The following PDS5B variants were observed in gnomAD, a reference collection of about 807,000 sequenced individuals.
PDS5B encodes PDS5 cohesin associated factor B.
A neutral mutation model predicts 184.1 loss-of-function variants in PDS5B; 51 were observed. That is an observed-to-expected ratio of 0.28 (90% CI 0.22 to 0.35). PDS5B has a LOEUF of 0.35. PDS5B is among the 10% of genes least tolerant of loss of function. PDS5B has a pLI of 1.00. For missense variants in PDS5B, 1,180 were observed against 1,723.3 expected, an observed-to-expected ratio of 0.68 and a Z score of 5.58; for synonymous variants, 566 against 569.2, an observed-to-expected ratio of 0.99 and a Z score of 0.08.
chr13:32,631,949 T>C (rs2058462660), intron 1 of PDS5B, among the ~76,000 whole-genome samples: 1 of 152,146 alleles, frequency 6.6e-6, no homozygotes, highest in African/African-American at 2.4e-5. Flanking sequence ...AGGATATTCT[T>C]ATTAAAAACA....
At chr13:32,694,440 GA>G (rs1217682221) in intron 14 of PDS5B, 136 bp downstream of exon 14, 28 of 643,338 alleles carry the variant, frequency 4.4e-5, no homozygotes, top group Non-Finnish European at 2.7e-6. Flanking sequence ...TCCTTGTTTA[GA>G]AAACTCTGAA....
chr13:32,773,221 A>G lies in PDS5B; in HGVS notation c.4205A>G (p.Lys1402Arg), dbSNP rs757297869. 21 of 1,613,210 alleles carry G rather than the reference A, an allele frequency of 1.3e-5. No homozygotes were observed. The highest frequency in any genetic ancestry group is 1.7e-5 in the Non-Finnish European group (20 of 1,179,584). The change falls in exon 34 of 35, where the codon AAG (lysine) becomes AGG (arginine). Residue 1402 changes from lysine to arginine, a missense_variant. By Grantham distance (26) the Lys-to-Arg change is conservative. This residue lies in a region of PDS5B where 465 missense variants were observed against 497.8 expected (regional missense o/e 0.93). Transcript: ENST00000315596. The part of the protein sequence containing the change: ...RVGRSKQAAT[K>R]ENDSSEEVDV... Reference sequence around the variant, plus strand: ...GGACGCTCCAAACAAGCAGCTACTAAGGAAAATGATTCAAGTGAAGAAGTA... The same window carrying G: ...GGACGCTCCAAACAAGCAGCTACTAGGGAAAATGATTCAAGTGAAGAAGTA...
chr13:32,591,913 G>T (rs1022742122), intron 1 of PDS5B, among the ~76,000 whole-genome samples: 7 of 152,152 alleles, frequency 4.6e-5, no homozygotes, highest in Admixed American at 3.9e-4. Context: ...TTGACGGGGA[G>T]CAATGCTCTG....
intron 6 of PDS5B, among the ~76,000 whole-genome samples, chr13:32,666,285 C>G (rs1211274460): frequency 6.6e-6 from 1 of 152,058 alleles, no homozygotes; most frequent in Non-Finnish European, 1.5e-5. Flanking sequence ...GCCATGTTGA[C>G]CAGGCTTGGT....
intron 19 of PDS5B, among the ~76,000 whole-genome samples, chr13:32,718,553 CCAGTAG>C (rs1001172809): frequency 3.9e-5 from 6 of 152,126 alleles, no homozygotes; most frequent in African/African-American, 1.4e-4. Flanking sequence ...ATGTAAAACA[CCAGTAG>C]CATTCCCAAT....
Position 32,770,143 on chromosome 13 carries a change from G to T in PDS5B, c.3647G>T (p.Gly1216Val), listed in dbSNP as rs976640611. ...TAGTCTGAATTGGAGAAGCCTAGAG[G>T]CAGGAAAAAAACGCCCGTCACAGAA... ...LVRSELEKPR[G>V]RKKTPVTEQE... is the part of the protein sequence containing the mutation. The change falls in exon 32 of 35, where the codon GGC becomes GTC. Residue 1216 changes from glycine to valine, a missense_variant. Gly to Val is a moderately radical substitution (Grantham distance 109, BLOSUM62 -3). Around this residue, in one of 11 missense-constraint regions of PDS5B, gnomAD observed 465 missense variants for 497.8 expected, o/e 0.93. Transcript: ENST00000315596. 1 of 1,612,580 alleles carries T rather than the reference G, an allele frequency of 6.2e-7. No individual in the cohort carries two copies. The highest frequency in any genetic ancestry group is 1.3e-5 in the African/African-American group (1 of 74,574).
chr13:32,617,990 A>G (rs1792563914), intron 1 of PDS5B, among the ~76,000 whole-genome samples: 2 of 152,180 alleles, frequency 1.3e-5, no homozygotes, highest in Admixed American at 1.3e-4. Flanking sequence ...CAGGTTGTGT[A>G]GTCTGGTAAG....
At chr13:32,617,366 A>G (rs541412946) in intron 1 of PDS5B, among the ~76,000 whole-genome samples, 2 of 152,328 alleles carry the variant, frequency 1.3e-5, no homozygotes, top group South Asian at 2.1e-4. Context: ...GCAGCCACAT[A>G]CATATCTACA....
At chr13:32,619,855 G>T (rs73451433) in intron 1 of PDS5B, among the ~76,000 whole-genome samples, 1,586 of 152,266 alleles carry the variant, frequency 0.01, 37 homozygotes, top group African/African-American at 0.036. Context: ...CTGGAGTGCA[G>T]TGGTGTGGTC....
chr13:32,686,430 T>C (rs1316095225), intron 11 of PDS5B, among the ~76,000 whole-genome samples: 1 of 152,156 alleles, frequency 6.6e-6, no homozygotes, highest in Admixed American at 6.6e-5. Context: ...AGACCACAAT[T>C]AGAAAAAAAT....
chr13:32,619,773 A>G (rs1169300710), intron 1 of PDS5B, among the ~76,000 whole-genome samples: 1 of 152,158 alleles, frequency 6.6e-6, no homozygotes, highest in Non-Finnish European at 1.5e-5. Flanking sequence ...AATTTTCTCC[A>G]CATAGGTCTG....
chr13:32,636,015 T>C (rs2140597375), intron 1 of PDS5B, among the ~76,000 whole-genome samples: 1 of 150,178 alleles, frequency 6.7e-6, no homozygotes, highest in African/African-American at 2.4e-5. Flanking sequence ...GTGATCTGCC[T>C]CCCTCGGCCT....
intron 6 of PDS5B, among the ~76,000 whole-genome samples, chr13:32,665,591 A>AAAAAAAC (rs1950767579): frequency 6.8e-6 from 1 of 147,682 alleles, no homozygotes; most frequent in East Asian, 1.9e-4. Context: ...TCCGACTCAA[A>AAAAAAAC]AAAAAAAAAA....
intron 9 of PDS5B, among the ~76,000 whole-genome samples, chr13:32,677,176 C>T (rs548165027): frequency 2.6e-4 from 39 of 152,042 alleles, no homozygotes; most frequent in Non-Finnish European, 5.0e-4. Context: ...TCAATAATTA[C>T]GTTCAGTCAG....
At chr13:32,645,834 C>G (rs987530785) in intron 1 of PDS5B, among the ~76,000 whole-genome samples, 1 of 152,152 alleles carries the variant, frequency 6.6e-6, no homozygotes, top group Non-Finnish European at 1.5e-5. Context: ...TCTTTTCACC[C>G]CTTTTTCCGT....
intron 20 of PDS5B, among the ~76,000 whole-genome samples, chr13:32,734,793 G>A (rs1397391263): frequency 6.6e-6 from 1 of 152,222 alleles, no homozygotes; most frequent in African/African-American, 2.4e-5. Context: ...GCTGCAAGTA[G>A]AGTCATCCTT....
intron 19 of PDS5B, 93 bp from the exon 20 acceptor site, chr13:32,732,008 A>C: frequency 9.3e-7 from 1 of 1,071,516 alleles, no homozygotes; most frequent in South Asian, 1.7e-5. Context: ...TGACCTTGTA[A>C]ATCATTACTT....
rs569547873 is a variant in PDS5B, at chr13:32,758,502, G to A, written c.3190-32G>A. 18 of 1,594,984 alleles carry A rather than the reference G, an allele frequency of 1.1e-5. 1 individual carries two copies. In the South Asian group the frequency reaches 1.5e-4, roughly 13 times the overall value. On this transcript the variant is annotated intron_variant, in intron 27 of 34. Coordinates refer to ENST00000315596, the MANE Select transcript of PDS5B (RefSeq NM_015032.4). Reference sequence around the variant, plus strand: ...TACAGAGTCTAGATTGCCAGCTTAAGTATCTGTGTTTTTAAAAATATACTA... The same window carrying A: ...TACAGAGTCTAGATTGCCAGCTTAAATATCTGTGTTTTTAAAAATATACTA...
At chr13:32,670,127 CA>C (rs1351736428) in intron 7 of PDS5B, among the ~76,000 whole-genome samples, 1 of 133,702 alleles carries the variant, frequency 7.5e-6, no homozygotes, top group Non-Finnish European at 1.7e-5. Context: ...CATACAGACA[CA>C]TTCTTTTTTT....
Sources: gnomAD v4.1 joint callset for allele counts (sites outside exome capture counted in the v4.1 genomes callset) on GRCh38, gnomAD v4.1.1 for gene constraint, gnomAD v4.1.1 regional missense constraint, MANE v1.5 for transcripts, NCBI Gene and HGNC (gene_info 2026-07-23, HGNC 2026-07-21) for gene names.